PXDNL: variants seen among roughly 807,000 people sequenced by gnomAD.
PXDNL encodes probable oxidoreductase PXDNL.
PXDNL carries 145 observed loss-of-function variants against 150.8 expected under a neutral mutation model. The ratio of observed to expected loss-of-function variants is 0.96; its 90% CI spans 0.84 to 1.10. The LOEUF is 1.10. Among genes scored for constraint, PXDNL ranks in the 50% least tolerant of loss-of-function variants. PXDNL has a pLI of 0.00. For synonymous variants in PXDNL, 757 were observed against 725.7 expected (o/e 1.04, Z -0.69); for missense variants, 2,087 against 1,873.9 (o/e 1.11, Z -2.10).
intron 2 of PXDNL, among the ~76,000 whole-genome samples, chr8:51,594,762 T>G (rs1237104249): frequency 6.6e-6 from 1 of 152,216 alleles, no homozygotes; most frequent in Admixed American, 6.5e-5. Context: ...TTTATTATAA[T>G]TTTAATGGTT....
intron 1 of PXDNL, among the ~76,000 whole-genome samples, chr8:51,780,785 G>T (rs1379240711): frequency 6.7e-6 from 1 of 150,014 alleles, no homozygotes; most frequent in Non-Finnish European, 1.5e-5. Flanking sequence ...TCAGCTTCCC[G>T]AGTAGCTGGA....
intron 2 of PXDNL, among the ~76,000 whole-genome samples, chr8:51,640,953 T>A (rs1205543296): frequency 6.6e-6 from 1 of 152,096 alleles, no homozygotes; most frequent in Non-Finnish European, 1.5e-5. Context: ...GACTTCAAAC[T>A]ATACCACAAG....
chr8:51,633,855 T>G (rs965906445), intron 2 of PXDNL, among the ~76,000 whole-genome samples: 8 of 152,308 alleles, frequency 5.3e-5, no homozygotes, highest in East Asian at 3.9e-4. Context: ...CTTTAATTGT[T>G]TAAGTTCCTT....
chr8:51,784,904 A>T (rs2037446742), intron 1 of PXDNL, among the ~76,000 whole-genome samples: 1 of 152,232 alleles, frequency 6.6e-6, no homozygotes, highest in South Asian at 2.1e-4. Context: ...TATTTCTATT[A>T]AAATTAAAAT....
At chr8:51,669,229 C>T (rs575004022) in intron 1 of PXDNL, among the ~76,000 whole-genome samples, 5 of 152,218 alleles carry the variant, frequency 3.3e-5, no homozygotes, top group African/African-American at 9.6e-5. Context: ...AGAAAGTTCA[C>T]GGAATTAACT....
chr8:51,485,566 C>G (rs535732374), intron 5 of PXDNL, among the ~76,000 whole-genome samples: 2 of 152,250 alleles, frequency 1.3e-5, no homozygotes, highest in Admixed American at 1.3e-4. Flanking sequence ...ATTTGATCAT[C>G]ACCAAGATCA....
At chr8:51,607,910 G>C (rs1267318616) in intron 2 of PXDNL, among the ~76,000 whole-genome samples, 1 of 119,470 alleles carries the variant, frequency 8.4e-6, no homozygotes, top group East Asian at 2.8e-4. Flanking sequence ...GGGAGGGAGG[G>C]AGGGAAGGAA....
At chr8:51,804,309 G>C (rs1212790685) in intron 1 of PXDNL, among the ~76,000 whole-genome samples, 2 of 152,164 alleles carry the variant, frequency 1.3e-5, no homozygotes, top group East Asian at 1.9e-4. Flanking sequence ...AGTGAGCAGA[G>C]GGGTGACTTT....
At chr8:51,637,744 C>T (rs1272762531) in intron 2 of PXDNL, among the ~76,000 whole-genome samples, 2 of 152,174 alleles carry the variant, frequency 1.3e-5, no homozygotes, top group African/African-American at 2.4e-5. Flanking sequence ...CTGAAAGTGA[C>T]AGGGAGAATG....
At chr8:51,413,785 A>C (rs1808718490) in intron 14 of PXDNL, among the ~76,000 whole-genome samples, 1 of 152,192 alleles carries the variant, frequency 6.6e-6, no homozygotes, top group Admixed American at 6.5e-5. Context: ...AGACAAAGGA[A>C]GCTATTTACT....
chr8:51,551,374 T>G (rs1812479609), intron 4 of PXDNL, among the ~76,000 whole-genome samples: 1 of 151,942 alleles, frequency 6.6e-6, no homozygotes, highest in Non-Finnish European at 1.5e-5. Flanking sequence ...AAAGCAAGAC[T>G]AAGCAAAAAG....
At chr8:51,492,398 C>T (rs138151522) in intron 5 of PXDNL, among the ~76,000 whole-genome samples, 1,957 of 152,194 alleles carry the variant, frequency 0.013, 40 homozygotes, top group African/African-American at 0.045. Flanking sequence ...AACTGAGGTA[C>T]CGGGTTCATC....
chr8:51,378,093 CTG>C (rs1807400350), intron 17 of PXDNL, among the ~76,000 whole-genome samples: 1 of 152,040 alleles, frequency 6.6e-6, no homozygotes, highest in Non-Finnish European at 1.5e-5. Flanking sequence ...AATCAGCACT[CTG>C]TATCTAGCTA....
intron 1 of PXDNL, among the ~76,000 whole-genome samples, chr8:51,676,924 G>C (rs1011183072): frequency 2.0e-5 from 3 of 152,134 alleles, no homozygotes; most frequent in Non-Finnish European, 4.4e-5. Flanking sequence ...GCTAAGAGTA[G>C]CATTCCAGGT....
chr8:51,424,539 T>C (rs1208315352), intron 13 of PXDNL, among the ~76,000 whole-genome samples: 7 of 149,230 alleles, frequency 4.7e-5, no homozygotes, highest in Non-Finnish European at 8.9e-5. Context: ...TATATATATA[T>C]ACACAATTAA....
At chr8:51,592,777 A>T in intron 2 of PXDNL, 79 bp from the exon 3 acceptor site, 1 of 1,007,138 alleles carries the variant, frequency 9.9e-7, no homozygotes, top group East Asian at 2.8e-5. Flanking sequence ...TGCTAAGTAT[A>T]GTGCTTTACA....
intron 4 of PXDNL, among the ~76,000 whole-genome samples, chr8:51,514,389 T>C (rs994488973): frequency 6.6e-6 from 1 of 152,198 alleles, no homozygotes; most frequent in Non-Finnish European, 1.5e-5. Context: ...TCAGATGTAA[T>C]AGAAAGTGTC....
Position 51,457,675 on chromosome 8 carries a change from TA to T in PXDNL, c.813-9del, listed in dbSNP as rs752066257. On this transcript the variant is annotated splice_polypyrimidine_tract_variant and intron_variant, in intron 8 of 22. Transcript: ENST00000356297. ...TCCAAATCCAATGAGTGGCTGGAAA[TA>T]TAGGTTATACATGTATATTATTTAA... is the stretch of plus-strand genomic sequence containing the variant. The T allele has an allele frequency of 6.2e-7, 1 of 1,607,478 alleles. No homozygotes were observed. Among genetic ancestry groups the T allele is most frequent in the African/African-American group, 1.3e-5 (1 of 74,806 alleles).
chr8:51,337,121 A>G (rs1467306623), intron 21 of PXDNL, among the ~76,000 whole-genome samples: 2 of 152,202 alleles, frequency 1.3e-5, no homozygotes, highest in Non-Finnish European at 2.9e-5. Flanking sequence ...AAATTTAGAT[A>G]TAAGTACTAA....
Sources: allele counts gnomAD v4.1 joint callset (sites outside exome capture counted in the v4.1 genomes callset), GRCh38; gene constraint gnomAD v4.1.1; transcripts MANE v1.5; gene names NCBI Gene and HGNC (gene_info 2026-07-23, HGNC 2026-07-21).